The following RAP1A variants were observed in gnomAD, a reference collection of about 807,000 sequenced individuals.
The protein encoded by RAP1A is ras-related protein Rap-1A.
A neutral mutation model predicts 26.4 loss-of-function variants in RAP1A; 6 were observed. The ratio of observed to expected loss-of-function variants is 0.23; its 90% CI spans 0.12 to 0.45. The LOEUF (loss-of-function observed/expected upper bound fraction) is 0.45, where lower values mean the gene tolerates loss of function less well. Ranked by LOEUF, RAP1A falls within the 20% of genes least tolerant of loss-of-function variation. RAP1A has a pLI of 0.99. For missense variants in RAP1A, 121 were observed against 217.2 expected (o/e 0.56, Z 2.78); for synonymous variants, 73 against 79.4 (o/e 0.92, Z 0.43).
chr1:111,639,679 T>G (rs1256893834), intron 1 of RAP1A, among the ~76,000 whole-genome samples: 1 of 152,096 alleles, frequency 6.6e-6, no homozygotes, highest in African/African-American at 2.4e-5. Context: ...AGTACTGCAC[T>G]CACCGCTAGG....
chr1:111,598,612 T>C (rs1389751312), intron 1 of RAP1A, among the ~76,000 whole-genome samples: 1 of 152,156 alleles, frequency 6.6e-6, no homozygotes, highest in Non-Finnish European at 1.5e-5. Flanking sequence ...ACTGTGTTTC[T>C]CCTCTGCTTT....
chr1:111,571,122 C>A (rs531682441), intron 1 of RAP1A, among the ~76,000 whole-genome samples: 26 of 152,342 alleles, frequency 1.7e-4, no homozygotes, highest in Non-Finnish European at 4.4e-5. Flanking sequence ...CAGGTTTAAT[C>A]ACTGGCTAGA....
Position 111,712,523 on chromosome 1 carries a change from A to G in RAP1A, c.*122A>G, listed in dbSNP as rs1421585446. On this transcript the variant is annotated 3_prime_UTR_variant, in exon 8 of 8. Coordinates refer to ENST00000369709, the MANE Select transcript of RAP1A (RefSeq NM_002884.4). The stretch of plus-strand genomic sequence containing the variant: ...TCTGAAGAGGCTTCTCCTGTTTTAT[A>G]TATTATGTGAAGAATTTAGATCTTA... 1 of 152,498 alleles carries G rather than the reference A, an allele frequency of 6.6e-6. No homozygotes were observed. The highest frequency in any genetic ancestry group is 1.5e-5 in the Non-Finnish European group (1 of 67,922). 9.4% of individuals were successfully genotyped at this position (152,498 alleles called of 1,614,324 possible).
intron 1 of RAP1A, among the ~76,000 whole-genome samples, chr1:111,651,097 C>T (rs1302398554): frequency 6.6e-6 from 1 of 152,102 alleles, no homozygotes; most frequent in Non-Finnish European, 1.5e-5. Context: ...CCACTGCGCC[C>T]GTCTTCACCT....
At chr1:111,651,967 C>G (rs1660287670) in intron 1 of RAP1A, among the ~76,000 whole-genome samples, 1 of 148,866 alleles carries the variant, frequency 6.7e-6, no homozygotes, top group Admixed American at 6.7e-5. Context: ...AAGTTTAGTT[C>G]AAGTATTTTT....
chr1:111,627,443 ATC>A (rs1458424969), intron 1 of RAP1A: 2 of 149,482 alleles, frequency 1.3e-5, no homozygotes, highest in Admixed American at 6.7e-5. Flanking sequence ...CTTTGATTGC[ATC>A]TCTGTTTTTT....
chr1:111,587,409 A>T (rs1279301433), intron 1 of RAP1A, among the ~76,000 whole-genome samples: 1 of 151,988 alleles, frequency 6.6e-6, no homozygotes, highest in African/African-American at 2.4e-5. Flanking sequence ...TCTCAGTCTA[A>T]TTCTATCCCT....
At chr1:111,585,779 T>G (rs1320421010) in intron 1 of RAP1A, among the ~76,000 whole-genome samples, 1 of 151,972 alleles carries the variant, frequency 6.6e-6, no homozygotes, top group Non-Finnish European at 1.5e-5. Context: ...TTATCATATA[T>G]CATCTACACT....
chr1:111,643,721 C>T (rs1369761791), intron 1 of RAP1A, among the ~76,000 whole-genome samples: 1 of 152,206 alleles, frequency 6.6e-6, no homozygotes, highest in African/African-American at 2.4e-5. Flanking sequence ...ACAATCCGTG[C>T]TTATCATCAG....
intron 1 of RAP1A, among the ~76,000 whole-genome samples, chr1:111,673,159 C>G (rs989572337): frequency 1.3e-5 from 2 of 152,134 alleles, no homozygotes; most frequent in African/African-American, 4.8e-5. Context: ...GAGCACTGTC[C>G]TTTGTTGTGG....
At chr1:111,607,405 C>A (rs1036552327) in intron 1 of RAP1A, among the ~76,000 whole-genome samples, 5 of 152,180 alleles carry the variant, frequency 3.3e-5, no homozygotes, top group African/African-American at 1.2e-4. Context: ...TCTCCCATGT[C>A]TACCTCTTTC....
At chr1:111,580,177 G>A (rs1315412831) in intron 1 of RAP1A, among the ~76,000 whole-genome samples, 1 of 152,214 alleles carries the variant, frequency 6.6e-6, no homozygotes. Flanking sequence ...TCTACTGAAT[G>A]TGTATTGCTT....
At chr1:111,580,108 T>C (rs1305260060) in intron 1 of RAP1A, among the ~76,000 whole-genome samples, 8 of 152,154 alleles carry the variant, frequency 5.3e-5, no homozygotes, top group African/African-American at 1.4e-4. Context: ...CTGTAACTTA[T>C]TGAATACTGA....
chr1:111,575,534 A>G (rs562756656), intron 1 of RAP1A, among the ~76,000 whole-genome samples: 1 of 152,294 alleles, frequency 6.6e-6, no homozygotes, highest in Non-Finnish European at 1.5e-5. Flanking sequence ...CATAGTTGTT[A>G]TGGGCTAAAT....
intron 1 of RAP1A, among the ~76,000 whole-genome samples, chr1:111,554,643 T>C (rs1429343432): frequency 6.6e-6 from 1 of 152,204 alleles, no homozygotes; most frequent in African/African-American, 2.4e-5. Context: ...CAAAGGAATA[T>C]GGTGAAAAAA....
At chr1:111,593,498 A>G (rs377588074) in intron 1 of RAP1A, among the ~76,000 whole-genome samples, 5 of 152,098 alleles carry the variant, frequency 3.3e-5, no homozygotes, top group Admixed American at 1.3e-4. Flanking sequence ...TCGCCACCTC[A>G]AAGCTAAGGC....
chr1:111,702,160 G>A (rs1662040313), intron 4 of RAP1A, among the ~76,000 whole-genome samples: 1 of 152,150 alleles, frequency 6.6e-6, no homozygotes, highest in Admixed American at 6.5e-5. Flanking sequence ...GGAAGCCAAG[G>A]CACAACAAGC....
intron 1 of RAP1A, among the ~76,000 whole-genome samples, chr1:111,644,165 A>C (rs372917630): frequency 3.3e-5 from 5 of 152,276 alleles, no homozygotes; most frequent in African/African-American, 1.2e-4. Flanking sequence ...TGACATGTCC[A>C]ACTAACCGTT....
chr1:111,584,663 C>T (rs959908082), intron 1 of RAP1A, among the ~76,000 whole-genome samples: 1 of 152,158 alleles, frequency 6.6e-6, no homozygotes, highest in Non-Finnish European at 1.5e-5. Context: ...AAGAAACAAA[C>T]AGCCTCTCGC....
Sources: allele counts gnomAD v4.1 joint callset (sites outside exome capture counted in the v4.1 genomes callset), GRCh38; gene constraint gnomAD v4.1.1; transcripts MANE v1.5; gene names NCBI Gene and HGNC (gene_info 2026-07-23, HGNC 2026-07-21).